The following CADPS variants were observed in gnomAD, a reference collection of about 807,000 sequenced individuals.
CADPS encodes calcium-dependent secretion activator 1.
In CADPS, 57 loss-of-function variants were observed where a neutral mutation model predicts 167.3. That is an observed-to-expected ratio of 0.34 (90% CI 0.28 to 0.42). CADPS has a LOEUF of 0.42. CADPS is among the 20% of genes least tolerant of loss of function. CADPS has a pLI of 1.00. For missense variants in CADPS, 1,414 were observed against 1,738.1 expected (o/e 0.81, Z 3.32); for synonymous variants, 676 against 635.3 (o/e 1.06, Z -0.96).
At chr3:62,418,023 G>T (rs770424590) in intron 28 of CADPS, among the ~76,000 whole-genome samples, 11 of 151,202 alleles carry the variant, frequency 7.3e-5, no homozygotes, top group Non-Finnish European at 1.6e-4. Context: ...GAAAAGAAAA[G>T]AAAATATTTA....
chr3:62,728,340 T>C lies in CADPS; in HGVS notation c.888+25101A>G, dbSNP rs533559783. On this transcript the variant is annotated intron_variant, in intron 3 of 29. Coordinates refer to ENST00000383710, the MANE Select transcript of CADPS (RefSeq NM_003716.4). ...AGGGAGGTGGATGTTATATGTTCCT[T>C]ACTACCTTTAACAATCTGTTTACAA... Among the ~76,000 whole-genome samples the C allele has an allele frequency of 3.2e-4, 48 of 151,978 alleles. No individual in the cohort carries two copies. The South Asian group carries it at 9.4e-3, about 30-fold the overall frequency.
intron 26 of CADPS, among the ~76,000 whole-genome samples, chr3:62,456,537 C>T (rs2058699295): frequency 6.6e-6 from 1 of 152,022 alleles, no homozygotes; most frequent in African/African-American, 2.4e-5. Context: ...CAAATGGAAA[C>T]TTTCTTCTTG....
intron 1 of CADPS, among the ~76,000 whole-genome samples, chr3:62,775,220 AT>A (rs60886776): frequency 0.9 from 133,639 of 148,822 alleles, 59,982 homozygotes; most frequent in East Asian, 0.98. Context: ...GTATTTTTGT[AT>A]TTTTTTTTTT....
chr3:62,608,668 C>G (rs903062072), intron 6 of CADPS, among the ~76,000 whole-genome samples: 1 of 152,060 alleles, frequency 6.6e-6, no homozygotes, highest in Non-Finnish European at 1.5e-5. Context: ...TTATAGTTAT[C>G]TTTATATATT....
At chr3:62,794,056 A>T (rs1045422965) in intron 1 of CADPS, among the ~76,000 whole-genome samples, 79 of 152,190 alleles carry the variant, frequency 5.2e-4, no homozygotes, top group Non-Finnish European at 1.5e-4. Context: ...CAAGATACAC[A>T]TGTGAATAAA....
At chr3:62,737,292 TAAAAAC>T (rs968203494) in intron 3 of CADPS, among the ~76,000 whole-genome samples, 17 of 150,942 alleles carry the variant, frequency 1.1e-4, no homozygotes, top group Admixed American at 6.6e-4. Flanking sequence ...CTACAAAAAT[TAAAAAC>T]AAAAACAAAA....
At chr3:62,868,202 G>C in intron 1 of CADPS, among the ~76,000 whole-genome samples, 1 of 152,052 alleles carries the variant, frequency 6.6e-6, no homozygotes, top group East Asian at 1.9e-4. Flanking sequence ...CAAAGACAGG[G>C]AACACACAGT....
chr3:62,741,233 CA>C (rs34196289), intron 3 of CADPS, among the ~76,000 whole-genome samples: 2 of 152,052 alleles, frequency 1.3e-5, no homozygotes, highest in African/African-American at 2.4e-5. Context: ...GAAACTATTC[CA>C]AAAAATTGAG....
At chr3:62,572,089 C>T (rs781243475) in intron 8 of CADPS, among the ~76,000 whole-genome samples, 6 of 152,166 alleles carry the variant, frequency 3.9e-5, no homozygotes, top group Non-Finnish European at 8.8e-5. Flanking sequence ...TCCAAATCCT[C>T]ACTTTACCTC....
intron 6 of CADPS, 148 bp downstream of exon 6, chr3:62,645,572 ATG>A (rs1205382822): frequency 1.0e-5 from 8 of 788,322 alleles, no homozygotes; most frequent in Non-Finnish European, 1.4e-5. Context: ...CCAAATAAAA[ATG>A]TAGGCAAGTC....
intron 28 of CADPS, among the ~76,000 whole-genome samples, chr3:62,422,846 G>T (rs1348155720): frequency 2.6e-5 from 4 of 152,140 alleles, no homozygotes; most frequent in African/African-American, 4.8e-5. Context: ...GTACCTCATT[G>T]GAAAATCTTG....
chr3:62,500,735 G>C (rs552443734), intron 17 of CADPS: 8 of 152,266 alleles, frequency 5.3e-5, no homozygotes, highest in African/African-American at 1.9e-4. Context: ...TTACTAAATA[G>C]GAAGGTTTCT....
intron 9 of CADPS, 101 bp downstream of exon 9, chr3:62,570,771 A>C (rs2081144462): frequency 2.5e-6 from 2 of 806,212 alleles, no homozygotes. Context: ...AGCTAAATGC[A>C]TGAGCTCTGT....
At chr3:62,552,585 C>T (rs2077489307) in intron 10 of CADPS, among the ~76,000 whole-genome samples, 1 of 152,172 alleles carries the variant, frequency 6.6e-6, no homozygotes, top group South Asian at 2.1e-4. Flanking sequence ...TTATTAGCAT[C>T]CCCAAATTTC....
At chr3:62,413,746 A>G (rs1203640920) in intron 28 of CADPS, among the ~76,000 whole-genome samples, 5 of 152,318 alleles carry the variant, frequency 3.3e-5, no homozygotes, top group African/African-American at 1.2e-4. Context: ...AAGACAGTAC[A>G]TTTTTTGTTA....
intron 2 of CADPS, among the ~76,000 whole-genome samples, chr3:62,763,086 T>A (rs890914258): frequency 3.3e-5 from 5 of 152,172 alleles, no homozygotes; most frequent in Non-Finnish European, 7.3e-5. Context: ...ACATTCTTCC[T>A]GAAAATGGTT....
At chr3:62,627,467 T>C (rs2064309359) in intron 6 of CADPS, among the ~76,000 whole-genome samples, 1 of 152,144 alleles carries the variant, frequency 6.6e-6, no homozygotes, top group South Asian at 2.1e-4. Flanking sequence ...ACCTACTTTA[T>C]GGCCTGTTTA....
intron 3 of CADPS, among the ~76,000 whole-genome samples, chr3:62,743,287 C>T (rs1308217686): frequency 1.3e-5 from 2 of 152,136 alleles, no homozygotes; most frequent in Non-Finnish European, 2.9e-5. Flanking sequence ...GTCAAATACG[C>T]CAGCTGCCTG....
At position 62,449,280 on chromosome 3, in the gene CADPS, C is replaced by A. The variant is rs1016778470; in HGVS notation, c.3637-3483G>T. Among the ~76,000 whole-genome samples the A allele has an allele frequency of 2.0e-5, 3 of 152,124 alleles. No individual in the cohort carries two copies. The South Asian group carries it at 6.2e-4, about 32-fold the overall frequency. ...TCTGGACGTGTTTTTCTTTTCTTTTCTTTTCTTTGGATTTGTTTCTTTACC... is the reference window on the plus strand; with the variant it reads ...TCTGGACGTGTTTTTCTTTTCTTTTATTTTCTTTGGATTTGTTTCTTTACC... On this transcript the variant is annotated intron_variant, in intron 26 of 29. Coordinates refer to ENST00000383710, the MANE Select transcript of CADPS (RefSeq NM_003716.4).
Sources: allele counts gnomAD v4.1 joint callset (sites outside exome capture counted in the v4.1 genomes callset), GRCh38; gene constraint gnomAD v4.1.1; transcripts MANE v1.5; gene names NCBI Gene and HGNC (gene_info 2026-07-23, HGNC 2026-07-21).